The following CTNNA3 variants were observed in gnomAD, a reference collection of about 807,000 sequenced individuals.
CTNNA3 encodes catenin alpha 3.
In CTNNA3, 76 loss-of-function variants were observed where a neutral mutation model predicts 95.7. That is an observed-to-expected ratio of 0.79 (90% CI 0.66 to 0.96). CTNNA3 has a LOEUF of 0.96. Among genes scored for constraint, CTNNA3 ranks in the 40% least tolerant of loss-of-function variants. The probability of loss-of-function intolerance (pLI) is 0.00; values close to 1 mark genes in which losing one functional copy is unlikely to be tolerated. For missense variants in CTNNA3, 1,191 were observed against 1,089.8 expected (o/e 1.09, Z -1.31); for synonymous variants, 431 against 374.4 (o/e 1.15, Z -1.74).
At chr10:67,665,938 A>C (rs995563918) in intron 1 of CTNNA3, among the ~76,000 whole-genome samples, 1 of 152,246 alleles carries the variant, frequency 6.6e-6, no homozygotes, top group Non-Finnish European at 1.5e-5. Context: ...AAAAGTAGAA[A>C]GAAAAAATAT....
In CTNNA3 at chr10:66,533,922, A is replaced by T. The variant is rs575998279; in HGVS notation, c.1375-13149T>A. Among the ~76,000 whole-genome samples the T allele has an allele frequency of 2.4e-3, 367 of 152,220 alleles. 2 individuals carry two copies. The highest frequency in any genetic ancestry group is 0.017 in the Middle Eastern group (5 of 292). The stretch of plus-strand genomic sequence containing the variant: ...CCCATCCTTACAAAAGAGTTAAAAA[A>T]TTTTTTAATGTACGTATCATTTTAT... On this transcript the variant is annotated intron_variant, in intron 10 of 17. Coordinates refer to ENST00000433211, the MANE Select transcript of CTNNA3 (RefSeq NM_013266.4).
intron 14 of CTNNA3, among the ~76,000 whole-genome samples, chr10:66,070,517 T>C (rs575851358): frequency 2.0e-5 from 3 of 152,306 alleles, no homozygotes; most frequent in African/African-American, 7.2e-5. Flanking sequence ...ACATTCTGTA[T>C]CTCAGAGGTC....
At chr10:65,922,159 TA>T (rs2077097387) in intron 17 of CTNNA3, among the ~76,000 whole-genome samples, 1 of 152,188 alleles carries the variant, frequency 6.6e-6, no homozygotes, top group Non-Finnish European at 1.5e-5. Context: ...CCTCCAAGAA[TA>T]TCCTACTTCC....
At chr10:66,298,416 T>G (rs1245871615) in intron 12 of CTNNA3, among the ~76,000 whole-genome samples, 1 of 152,166 alleles carries the variant, frequency 6.6e-6, no homozygotes, top group Non-Finnish European at 1.5e-5. Context: ...ATGTACCCAA[T>G]ACATTGTAAT....
At chr10:67,687,954 G>C (rs184758983) in intron 1 of CTNNA3, among the ~76,000 whole-genome samples, 33 of 152,270 alleles carry the variant, frequency 2.2e-4, no homozygotes, top group African/African-American at 7.5e-4. Flanking sequence ...CTGACCAGTA[G>C]GGAATTTGCC....
At chr10:66,594,345 A>C (rs1433122280) in intron 10 of CTNNA3, among the ~76,000 whole-genome samples, 1 of 152,152 alleles carries the variant, frequency 6.6e-6, no homozygotes, top group Non-Finnish European at 1.5e-5. Context: ...CAATTTCAAT[A>C]GCTTCCTACT....
intron 7 of CTNNA3, among the ~76,000 whole-genome samples, chr10:66,814,710 GCTGAGATCGCACCA>G (rs1333036556): frequency 6.6e-6 from 1 of 152,080 alleles, no homozygotes; most frequent in Non-Finnish European, 1.5e-5. Context: ...GTTGCAGTGA[GCTGAGATCGCACCA>G]CTGTACTCCA....
chr10:66,839,044 A>C (rs896886722), intron 7 of CTNNA3, among the ~76,000 whole-genome samples: 8 of 147,658 alleles, frequency 5.4e-5, no homozygotes, highest in Non-Finnish European at 9.0e-5. Flanking sequence ...AAAAAAAAAA[A>C]CAGAATCAAG....
At chr10:67,373,227 C>T (rs924313158) in intron 5 of CTNNA3, among the ~76,000 whole-genome samples, 1 of 152,026 alleles carries the variant, frequency 6.6e-6, no homozygotes, top group Non-Finnish European at 1.5e-5. Context: ...ATTCAGGAAA[C>T]CCATCTCACA....
intron 7 of CTNNA3, among the ~76,000 whole-genome samples, chr10:66,932,116 C>A (rs934105304): frequency 2.6e-5 from 4 of 152,124 alleles, no homozygotes; most frequent in African/African-American, 9.7e-5. Flanking sequence ...CCTCCCTCCC[C>A]CTTTTCAGCC....
At chr10:66,434,590 A>T (rs1180188015) in intron 11 of CTNNA3, among the ~76,000 whole-genome samples, 2 of 152,150 alleles carry the variant, frequency 1.3e-5, no homozygotes, top group Non-Finnish European at 2.9e-5. Flanking sequence ...GTCATCTGCA[A>T]ACAGAGACAA....
At chr10:66,665,861 A>C in intron 9 of CTNNA3, among the ~76,000 whole-genome samples, 1 of 152,144 alleles carries the variant, frequency 6.6e-6, no homozygotes, top group East Asian at 1.9e-4. Context: ...CACTTTCCAA[A>C]AAATGATATT....
chr10:67,392,489 T>A (rs1844539759), intron 5 of CTNNA3, among the ~76,000 whole-genome samples: 1 of 152,196 alleles, frequency 6.6e-6, no homozygotes, highest in Non-Finnish European at 1.5e-5. Context: ...ATTGTGGAAG[T>A]CAGTGTGGTG....
chr10:67,251,115 T>C (rs1323972837), intron 5 of CTNNA3, among the ~76,000 whole-genome samples: 1 of 151,870 alleles, frequency 6.6e-6, no homozygotes. Flanking sequence ...GTAAGCAAAA[T>C]AGAGTATATC....
intron 5 of CTNNA3, among the ~76,000 whole-genome samples, chr10:67,256,395 G>A (rs1866351554): frequency 6.6e-6 from 1 of 152,026 alleles, no homozygotes; most frequent in East Asian, 1.9e-4. Context: ...CTTTTGATCT[G>A]TCTTGATGTC....
At chr10:66,223,439 G>A (rs895651534) in intron 13 of CTNNA3, among the ~76,000 whole-genome samples, 2 of 151,928 alleles carry the variant, frequency 1.3e-5, no homozygotes, top group Admixed American at 6.6e-5. Context: ...TTTCTACTAC[G>A]TTCATCGTTC....
At chr10:66,821,457 A>G (rs1168580013) in intron 7 of CTNNA3, among the ~76,000 whole-genome samples, 1 of 152,136 alleles carries the variant, frequency 6.6e-6, no homozygotes, top group Non-Finnish European at 1.5e-5. Flanking sequence ...AAAAAGTGGT[A>G]GGAAAGATAT....
intron 11 of CTNNA3, among the ~76,000 whole-genome samples, chr10:66,441,153 C>A (rs2093372703): frequency 6.6e-6 from 1 of 152,090 alleles, no homozygotes; most frequent in South Asian, 2.1e-4. Flanking sequence ...AGCAACACAG[C>A]AAGACCCTGT....
chr10:66,261,459 A>G (rs1165610158), intron 13 of CTNNA3, among the ~76,000 whole-genome samples: 1 of 152,128 alleles, frequency 6.6e-6, no homozygotes, highest in Admixed American at 6.6e-5. Flanking sequence ...AATTAATAAA[A>G]TATGTTGTAT....
Sources: gnomAD v4.1 joint callset for allele counts (sites outside exome capture counted in the v4.1 genomes callset) on GRCh38, gnomAD v4.1.1 for gene constraint, MANE v1.5 for transcripts, NCBI Gene and HGNC (gene_info 2026-07-23, HGNC 2026-07-21) for gene names.